Variants in RALY observed in about 807,000 individuals in gnomAD.
The protein encoded by RALY is RALY heterogeneous nuclear ribonucleoprotein, also known as RNA-binding protein Raly.
In RALY, 15 loss-of-function variants were observed where a neutral mutation model predicts 30.7. The observed-to-expected ratio is 0.49, with a 90% confidence interval of 0.33 to 0.75. The LOEUF (loss-of-function observed/expected upper bound fraction) is 0.75, where lower values mean the gene tolerates loss of function less well. RALY is among the 30% of genes least tolerant of loss of function. RALY has a pLI of 0.02. For synonymous variants in RALY, 177 were observed against 170.8 expected (o/e 1.04, Z -0.28); for missense variants, 339 against 414.3 (o/e 0.82, Z 1.58).
chr20:34,029,655 A>G (rs2032195590), intron 1 of RALY, among the ~76,000 whole-genome samples: 1 of 152,154 alleles, frequency 6.6e-6, no homozygotes, highest in Non-Finnish European at 1.5e-5. Context: ...TGGTTATGCC[A>G]TTCTCTGAAT....
At chr20:34,016,280 G>C (rs1459700932) in intron 1 of RALY, among the ~76,000 whole-genome samples, 1 of 152,218 alleles carries the variant, frequency 6.6e-6, no homozygotes, top group Non-Finnish European at 1.5e-5. Context: ...CAAGCTAGCA[G>C]ACTGTTAGGA....
chr20:34,078,643 G>A lies in RALY; in HGVS notation c.*4+90G>A, dbSNP rs182516256. 1,326 of 1,274,790 alleles carry A rather than the reference G, an allele frequency of 1.0e-3. 35 individuals carry two copies. The Admixed American group carries it at 0.034, about 33-fold the overall frequency. The allele number at this position is 1,274,790 out of a possible 1,614,324, so 79.0% of individuals were successfully genotyped here. Reference sequence around the variant, plus strand: ...CCCTGGATTGGGCAGGAAGTGTCACGAAGCATACCTGGCCAAGTAGCACTG... The same window carrying A: ...CCCTGGATTGGGCAGGAAGTGTCACAAAGCATACCTGGCCAAGTAGCACTG... On this transcript the variant is annotated intron_variant, in intron 9 of 9. Coordinates refer to ENST00000246194, the MANE Select transcript of RALY (RefSeq NM_016732.3).
rs1555810269 is a variant in RALY, at chr20:34,077,058, C to CAG, written c.689_690insAG (p.Gly231AlafsTer56). ...AAGAAGAAGGGTGATGGAGGTGGCG[C>CAG]CGGCGGCGGCGGCGGTGGTGGTGGC... On this transcript the variant is annotated frameshift_variant, in exon 8 of 10. Transcript: ENST00000246194. LOFTEE classifies it high-confidence loss of function. The CAG allele has an allele frequency of 8.2e-6, 13 of 1,589,162 alleles. No homozygotes were observed. Among genetic ancestry groups the CAG allele is most frequent in the Non-Finnish European group, 1.1e-5 (13 of 1,163,916 alleles).
chr20:34,062,146 A>T (rs1201608048), intron 2 of RALY, among the ~76,000 whole-genome samples: 2 of 152,132 alleles, frequency 1.3e-5, no homozygotes, highest in East Asian at 3.9e-4. Flanking sequence ...GGAACCAGGG[A>T]CTTTATTCAT....
At position 34,080,339 on chromosome 20, in the gene RALY, G is replaced by T. The variant is rs961862680; in HGVS notation, c.*434G>T. On this transcript the variant is annotated 3_prime_UTR_variant, in exon 10 of 10. Coordinates refer to ENST00000246194, the MANE Select transcript of RALY (RefSeq NM_016732.3). The stretch of plus-strand genomic sequence containing the variant: ...TCTGCCAACCAAAAAGCTGGTCTAG[G>T]GTGCCTAATACTGATCCATCTGGAC... 1 of 152,208 alleles carries T rather than the reference G, an allele frequency of 6.6e-6. No homozygotes were observed. The highest frequency in any genetic ancestry group is 2.4e-5 in the African/African-American group (1 of 41,424). 9.4% of individuals were successfully genotyped at this position (152,208 alleles called of 1,614,324 possible).
intron 1 of RALY, among the ~76,000 whole-genome samples, chr20:34,013,703 G>A (rs897094941): frequency 1.3e-5 from 2 of 152,188 alleles, no homozygotes; most frequent in Non-Finnish European, 2.9e-5. Flanking sequence ...TAGGACTGCT[G>A]TAGTTGTACT....
At chr20:33,997,120 C>G (rs755694706) in intron 1 of RALY, among the ~76,000 whole-genome samples, 1 of 151,980 alleles carries the variant, frequency 6.6e-6, no homozygotes, top group Non-Finnish European at 1.5e-5. Flanking sequence ...AGACCTTATA[C>G]CCTGTTTTTT....
At chr20:34,070,045 G>A (rs923351577) in intron 2 of RALY, among the ~76,000 whole-genome samples, 6 of 152,162 alleles carry the variant, frequency 3.9e-5, no homozygotes, top group Non-Finnish European at 5.9e-5. Flanking sequence ...GAACGTGCCA[G>A]CTTCCAGGCT....
rs530327841 is a variant in RALY, at chr20:34,062,215, A to G, written c.-9-9851A>G. On this transcript the variant is annotated intron_variant, in intron 2 of 9. Transcript: ENST00000246194. ...GGCATATAATGAGTATTCAGTACTG[A>G]GGCCATTGGTTACTCTAGAGGATCT... Among the ~76,000 whole-genome samples, 36 of 152,284 alleles carry G rather than the reference A, an allele frequency of 2.4e-4. No individual in the cohort carries two copies. In the Middle Eastern group the frequency reaches 0.01, roughly 43 times the overall value.
chr20:34,043,807 T>G (rs1006003557), intron 2 of RALY, among the ~76,000 whole-genome samples: 1 of 152,042 alleles, frequency 6.6e-6, no homozygotes, highest in African/African-American at 2.4e-5. Flanking sequence ...GAATAAGGAG[T>G]AGCCAAACAC....
chr20:34,067,951 C>G (rs1244502277), intron 2 of RALY, among the ~76,000 whole-genome samples: 3 of 151,552 alleles, frequency 2.0e-5, no homozygotes, highest in Admixed American at 2.0e-4. Context: ...ATGGGGTAAT[C>G]TTGTCTCTGC....
intron 2 of RALY, among the ~76,000 whole-genome samples, chr20:34,036,941 T>G (rs1038766146): frequency 2.6e-5 from 4 of 152,200 alleles, no homozygotes; most frequent in Admixed American, 2.6e-4. Context: ...TTTTCTGTTT[T>G]ATTTATTTTG....
intron 8 of RALY, chr20:34,077,498 T>G: frequency 2.9e-6 from 2 of 679,378 alleles, no homozygotes; most frequent in Non-Finnish European, 4.8e-6. Flanking sequence ...GGCCTCCGGT[T>G]TCCACATGAG....
At chr20:34,078,790 G>T (rs913176654) in intron 9 of RALY, among the ~76,000 whole-genome samples, 2 of 152,178 alleles carry the variant, frequency 1.3e-5, no homozygotes, top group African/African-American at 2.4e-5. Flanking sequence ...CACCTAGCAA[G>T]GGTTCCTTCC....
chr20:34,078,811 T>A (rs900142164), intron 9 of RALY, among the ~76,000 whole-genome samples: 4 of 152,278 alleles, frequency 2.6e-5, no homozygotes, highest in Admixed American at 2.0e-4. Context: ...CTCAGCACAC[T>A]CAGCCATGTT....
intron 2 of RALY, among the ~76,000 whole-genome samples, chr20:34,061,953 A>G (rs2033430006): frequency 6.6e-6 from 1 of 152,124 alleles, no homozygotes; most frequent in Non-Finnish European, 1.5e-5. Flanking sequence ...CACTGACCCT[A>G]ACTTACTTTG....
At chr20:34,001,219 C>T (rs1367224755) in intron 1 of RALY, among the ~76,000 whole-genome samples, 1 of 152,238 alleles carries the variant, frequency 6.6e-6, no homozygotes. Flanking sequence ...AAAAAAATTA[C>T]ATTAAAATAT....
chr20:34,023,075 G>T (rs1245811474), intron 1 of RALY, among the ~76,000 whole-genome samples: 1 of 152,146 alleles, frequency 6.6e-6, no homozygotes, highest in Non-Finnish European at 1.5e-5. Context: ...CTCCAGGATG[G>T]GCTGTGTAGT....
intron 2 of RALY, among the ~76,000 whole-genome samples, chr20:34,044,387 C>A (rs1389558803): frequency 6.6e-6 from 1 of 151,112 alleles, no homozygotes; most frequent in African/African-American, 2.4e-5. Context: ...ATGGCAATGG[C>A]GTGATTTTGG....
Sources: allele counts gnomAD v4.1 joint callset (sites outside exome capture counted in the v4.1 genomes callset), GRCh38; gene constraint gnomAD v4.1.1; transcripts MANE v1.5; gene names NCBI Gene and HGNC (gene_info 2026-07-23, HGNC 2026-07-21).